SLC24A2: variants seen among roughly 807,000 people sequenced by gnomAD.
The protein encoded by SLC24A2 is sodium/potassium/calcium exchanger 2.
A neutral mutation model predicts 62.0 loss-of-function variants in SLC24A2; 36 were observed. The observed-to-expected ratio is 0.58, with a 90% CI of 0.44 to 0.77. SLC24A2 has a LOEUF of 0.77. Ranked by LOEUF, SLC24A2 falls within the 30% of genes least tolerant of loss-of-function variation. The pLI, the probability that SLC24A2 is intolerant of heterozygous loss-of-function variation, is 0.00. For synonymous variants in SLC24A2, 358 were observed against 294.0 expected (o/e 1.22, Z -2.23); for missense variants, 846 against 817.9 (o/e 1.03, Z -0.42).
chr9:19,693,634 T>A (rs890635953), intron 2 of SLC24A2, among the ~76,000 whole-genome samples: 4 of 152,062 alleles, frequency 2.6e-5, no homozygotes, highest in South Asian at 2.1e-4. Flanking sequence ...GAAAAGGACA[T>A]CGACAAGACT....
intron 2 of SLC24A2, among the ~76,000 whole-genome samples, chr9:19,644,765 CCTAATGAATA>C (rs2118108016): frequency 6.6e-6 from 1 of 151,772 alleles, no homozygotes; most frequent in African/African-American, 2.4e-5. Flanking sequence ...TCATGTTTTG[CCTAATGAATA>C]CTTGTAAATA....
chr9:20,192,602 G>A, the SLC24A2 span, among the ~76,000 whole-genome samples: 1 of 152,086 alleles, frequency 6.6e-6, no homozygotes, highest in Admixed American at 6.6e-5. Flanking sequence ...CCTCCAGGTG[G>A]CACTTAGTTC....
the SLC24A2 span, among the ~76,000 whole-genome samples, chr9:19,840,568 G>C: frequency 6.6e-6 from 1 of 152,134 alleles, no homozygotes; most frequent in Non-Finnish European, 1.5e-5. Context: ...ATCAAATTGG[G>C]ATTACAGATT....
the SLC24A2 span, among the ~76,000 whole-genome samples, chr9:19,949,648 C>A: frequency 1.2e-4 from 18 of 152,280 alleles, no homozygotes; most frequent in Non-Finnish European, 1.9e-4. Flanking sequence ...CTAAGTTTGG[C>A]TAATGAGTAG....
chr9:19,542,197 G>C (rs563646459), intron 8 of SLC24A2, among the ~76,000 whole-genome samples: 1 of 152,152 alleles, frequency 6.6e-6, no homozygotes, highest in Non-Finnish European at 1.5e-5. Flanking sequence ...CTGTAGACCG[G>C]AGCTGTTCCT....
chr9:19,859,166 A>G, the SLC24A2 span, among the ~76,000 whole-genome samples: 1 of 152,242 alleles, frequency 6.6e-6, no homozygotes, highest in African/African-American at 2.4e-5. Flanking sequence ...CTATGCAGCC[A>G]TATAAAAGAA....
intron 2 of SLC24A2, among the ~76,000 whole-genome samples, chr9:19,730,349 G>T (rs920650593): frequency 1.2e-4 from 18 of 152,102 alleles, no homozygotes; most frequent in African/African-American, 2.4e-4. Flanking sequence ...AGTTATATTT[G>T]TAGGATAAAT....
chr9:20,212,678 G>C, the SLC24A2 span, among the ~76,000 whole-genome samples: 4 of 151,098 alleles, frequency 2.6e-5, no homozygotes, highest in African/African-American at 9.9e-5. Flanking sequence ...ATAACAATAA[G>C]TATGAGTGAT....
chr9:19,567,005 TGTAAATGGCGA>T (rs1321334951), intron 7 of SLC24A2, among the ~76,000 whole-genome samples: 4 of 136,994 alleles, frequency 2.9e-5, no homozygotes, highest in Admixed American at 6.8e-5. Context: ...ATATATCTAA[TGTAAATGGCGA>T]GTTAATGGCT....
chr9:19,737,398 C>T (rs1194601468), intron 2 of SLC24A2, among the ~76,000 whole-genome samples: 1 of 152,056 alleles, frequency 6.6e-6, no homozygotes, highest in East Asian at 1.9e-4. Flanking sequence ...CATGGGTGTT[C>T]TGTTGATGGC....
the SLC24A2 span, among the ~76,000 whole-genome samples, chr9:20,273,937 T>C: frequency 6.6e-6 from 1 of 152,228 alleles, no homozygotes; most frequent in Non-Finnish European, 1.5e-5. Flanking sequence ...TAGGCTTTTC[T>C]CTTGTTAATC....
chr9:20,272,498 G>C, the SLC24A2 span, among the ~76,000 whole-genome samples: 3 of 152,142 alleles, frequency 2.0e-5, no homozygotes, highest in African/African-American at 7.2e-5. Flanking sequence ...CCTGAAGGTT[G>C]GAAGATTAAA....
At chr9:19,969,717 G>A in the SLC24A2 span, among the ~76,000 whole-genome samples, 1 of 152,210 alleles carries the variant, frequency 6.6e-6, no homozygotes, top group Non-Finnish European at 1.5e-5. Context: ...GTGATGAAGA[G>A]GGGATTGTAG....
At chr9:19,695,985 A>T (rs1371036363) in intron 2 of SLC24A2, among the ~76,000 whole-genome samples, 2 of 152,186 alleles carry the variant, frequency 1.3e-5, no homozygotes, top group Non-Finnish European at 2.9e-5. Context: ...GCTGTGGACC[A>T]GTACCAGTCT....
chr9:19,914,369 C>CT, the SLC24A2 span, among the ~76,000 whole-genome samples: 3 of 120,984 alleles, frequency 2.5e-5, no homozygotes, highest in Non-Finnish European at 4.1e-5. Context: ...AAAATAAAAC[C>CT]CATACACCTT....
At chr9:20,023,121 AG>A in the SLC24A2 span, among the ~76,000 whole-genome samples, 1 of 152,226 alleles carries the variant, frequency 6.6e-6, no homozygotes, top group African/African-American at 2.4e-5. Context: ...AGTCATAAAA[AG>A]CCACGACAGA....
At chr9:19,518,458 G>T (rs1322873827) in intron 10 of SLC24A2, among the ~76,000 whole-genome samples, 9 of 136,566 alleles carry the variant, frequency 6.6e-5, no homozygotes, top group Non-Finnish European at 1.1e-4. Flanking sequence ...GTCTTGCTCT[G>T]TCGCCCAGGC....
At chr9:19,784,487 A>G (rs933780374) in intron 2 of SLC24A2, among the ~76,000 whole-genome samples, 2 of 152,218 alleles carry the variant, frequency 1.3e-5, no homozygotes, top group African/African-American at 2.4e-5. Flanking sequence ...AAGACATCGA[A>G]TCATTTCCTT....
At chr9:20,027,904 A>G in the SLC24A2 span, among the ~76,000 whole-genome samples, 1 of 152,060 alleles carries the variant, frequency 6.6e-6, no homozygotes, top group African/African-American at 2.4e-5. Flanking sequence ...AAAAACATAC[A>G]ATGTCAATTT....
Sources: gnomAD v4.1 joint callset for allele counts (sites outside exome capture counted in the v4.1 genomes callset) on GRCh38, gnomAD v4.1.1 for gene constraint, MANE v1.5 for transcripts, NCBI Gene and HGNC (gene_info 2026-07-23, HGNC 2026-07-21) for gene names.